The following RARB variants were observed in gnomAD, a reference collection of about 807,000 sequenced individuals.
RARB encodes the protein HBV-activated protein.
A neutral mutation model predicts 51.9 loss-of-function variants in RARB; 17 were observed. The ratio of observed to expected loss-of-function variants is 0.33; its 90% confidence interval spans 0.22 to 0.49. The LOEUF (loss-of-function observed/expected upper bound fraction) is 0.49, where lower values mean the gene tolerates loss of function less well. Among genes scored for constraint, RARB ranks in the 20% least tolerant of loss-of-function variants. The pLI, the probability that RARB is intolerant of heterozygous loss-of-function variation, is 0.99. For missense variants in RARB, 369 were observed against 550.8 expected (o/e 0.67, Z 3.30); for synonymous variants, 215 against 195.4 (o/e 1.10, Z -0.84).
At chr3:25,261,950 C>G (rs150229779) in intron 5 of RARB, among the ~76,000 whole-genome samples, 6 of 152,176 alleles carry the variant, frequency 3.9e-5, no homozygotes, top group African/African-American at 1.4e-4. Flanking sequence ...CTCATTCTGC[C>G]CTCTCCAAAC....
At chr3:25,279,299 A>G (rs1703465544) in intron 5 of RARB, among the ~76,000 whole-genome samples, 1 of 152,206 alleles carries the variant, frequency 6.6e-6, no homozygotes, top group African/African-American at 2.4e-5. Context: ...CCCCCACTGC[A>G]TCATAAATGC....
In RARB at chr3:25,337,725, C is replaced by G. The variant is rs547373175; in HGVS notation, c.179-123468C>G. 3.9e-5 allele frequency among the ~76,000 whole-genome samples: 6 copies of G among 152,210 alleles called. No individual in the cohort carries two copies. In the South Asian group the frequency reaches 1.2e-3, roughly 32 times the overall value. ...CCTCAGCCACCTCTAACCCTTTACC[C>G]TGCTTTATTTTTTTGTGTGCAGCAC... On this transcript the variant is annotated intron_variant, in intron 5 of 11. Coordinates refer to the RARB transcript ENST00000383772.
chr3:25,504,633 A>G (rs894341267), intron 3 of RARB, among the ~76,000 whole-genome samples: 1 of 152,176 alleles, frequency 6.6e-6, no homozygotes, highest in Admixed American at 6.5e-5. Context: ...GTCAGGTCCC[A>G]CAGTGCTGTT....
At chr3:25,231,703 G>A (rs1702181494) in intron 5 of RARB, among the ~76,000 whole-genome samples, 1 of 152,116 alleles carries the variant, frequency 6.6e-6, no homozygotes, top group African/African-American at 2.4e-5. Context: ...GGTTTCATGT[G>A]TTTACTTGCC....
chr3:25,243,443 G>C (rs1702480473), intron 5 of RARB, among the ~76,000 whole-genome samples: 1 of 152,162 alleles, frequency 6.6e-6, no homozygotes, highest in South Asian at 2.1e-4. Context: ...TTGGCTGTGG[G>C]TTTGTCATCA....
intron 2 of RARB, among the ~76,000 whole-genome samples, chr3:24,966,793 A>C (rs978084295): frequency 1.3e-5 from 2 of 152,200 alleles, no homozygotes; most frequent in African/African-American, 4.8e-5. Flanking sequence ...TATCAGCATG[A>C]ATTCTTAAAA....
chr3:25,260,044 G>GT, intron 5 of RARB: 1 of 958,714 alleles, frequency 1.0e-6, no homozygotes, highest in African/African-American at 1.8e-5. Context: ...CCCCCATGGT[G>GT]TGAGTTCGTG....
intron 5 of RARB, among the ~76,000 whole-genome samples, chr3:25,210,529 CTT>C (rs773846113): frequency 0.014 from 386 of 27,620 alleles, 7 homozygotes; most frequent in African/African-American, 0.031. Flanking sequence ...TTATCTGATT[CTT>C]TTTTTTTTTT....
Position 25,187,151 on chromosome 3 carries a change from A to G in RARB, c.178+12576A>G, listed in dbSNP as rs116674694. Among the ~76,000 whole-genome samples the G allele has an allele frequency of 3.5e-3, 536 of 152,178 alleles. 3 individuals are homozygous for G. Among genetic ancestry groups the G allele is most frequent in the African/African-American group, 0.012 (496 of 41,548 alleles). On this transcript the variant is annotated intron_variant, in intron 5 of 11. Transcript: ENST00000383772. ...CTCAAATGAGGGTCTTATGACCTGC[A>G]GGAGAGCATGGTGAGAGGAAGAAGA...
At chr3:24,956,148 G>C (rs1419762509) in intron 2 of RARB, among the ~76,000 whole-genome samples, 3 of 152,078 alleles carry the variant, frequency 2.0e-5, no homozygotes, top group Non-Finnish European at 1.5e-5. Flanking sequence ...CATTTTCAAA[G>C]TACTGAGAAT....
At chr3:25,348,208 CA>C (rs1705453156) in intron 5 of RARB, among the ~76,000 whole-genome samples, 1 of 152,232 alleles carries the variant, frequency 6.6e-6, no homozygotes, top group South Asian at 2.1e-4. Context: ...CACTGAACCT[CA>C]GTTTCCTCAT....
Position 25,594,505 on chromosome 3 carries a change from A to T in RARB, c.992-15A>T, listed in dbSNP as rs771025581. 8 of 1,590,754 alleles carry T rather than the reference A, an allele frequency of 5.0e-6. No individual in the cohort carries two copies. Among genetic ancestry groups the T allele is most frequent in the Non-Finnish European group, 6.8e-6 (8 of 1,172,308 alleles). ...AAATCCTGATTTTGTTTAATACTTT[A>T]TTCCTGGTATCCAGACCGCCAGGAC... On this transcript the variant is annotated splice_polypyrimidine_tract_variant and intron_variant, in intron 6 of 7. Transcript: ENST00000330688.
intron 2 of RARB, among the ~76,000 whole-genome samples, chr3:24,888,390 C>T (rs1342410534): frequency 6.6e-6 from 1 of 152,060 alleles, no homozygotes; most frequent in African/African-American, 2.4e-5. Context: ...TGAACCTAGC[C>T]AGTTACAGCT....
chr3:25,257,472 A>C (rs1702894052), intron 5 of RARB, among the ~76,000 whole-genome samples: 2 of 152,174 alleles, frequency 1.3e-5, no homozygotes, highest in South Asian at 4.2e-4. Context: ...ATTATGATTG[A>C]TCTCTGTGTC....
chr3:25,062,775 T>C (rs1698576583), intron 3 of RARB, among the ~76,000 whole-genome samples: 1 of 151,894 alleles, frequency 6.6e-6, no homozygotes, highest in Non-Finnish European at 1.5e-5. Flanking sequence ...AGAGGTGAGA[T>C]GGGGAGTTAC....
chr3:24,921,537 C>T (rs181025607), intron 2 of RARB, among the ~76,000 whole-genome samples: 179 of 152,256 alleles, frequency 1.2e-3, no homozygotes, highest in South Asian at 5.8e-3. Flanking sequence ...ACCATGTGCC[C>T]TGTGTTTACC....
intron 3 of RARB, among the ~76,000 whole-genome samples, chr3:25,549,034 T>C (rs2125665223): frequency 6.6e-6 from 1 of 152,254 alleles, no homozygotes; most frequent in South Asian, 2.1e-4. Context: ...TCCAGTCATG[T>C]CCAAATCTAG....
chr3:24,934,566 T>C (rs1008268441), intron 2 of RARB, among the ~76,000 whole-genome samples: 2 of 152,092 alleles, frequency 1.3e-5, no homozygotes, highest in Non-Finnish European at 1.5e-5. Context: ...GAAATGTCTG[T>C]CCTTTTGTAG....
At chr3:25,023,738 C>A (rs1480624046) in intron 2 of RARB, among the ~76,000 whole-genome samples, 1 of 152,154 alleles carries the variant, frequency 6.6e-6, no homozygotes, top group Admixed American at 6.6e-5. Context: ...GAAGTTTCTT[C>A]TGTGAGGTTA....
Sources: allele counts gnomAD v4.1 joint callset (sites outside exome capture counted in the v4.1 genomes callset), GRCh38; gene constraint gnomAD v4.1.1; transcripts MANE v1.5; gene names NCBI Gene and HGNC (gene_info 2026-07-23, HGNC 2026-07-21).